NEK1: variants seen among roughly 807,000 people sequenced by gnomAD.
The protein encoded by NEK1 is serine/threonine-protein kinase Nek1.
In NEK1, 137 loss-of-function variants were observed where a neutral mutation model predicts 182.1. That is an observed-to-expected ratio of 0.75 (90% CI 0.65 to 0.87). The LOEUF (loss-of-function observed/expected upper bound fraction) is 0.87. NEK1 is among the 40% of genes least tolerant of loss of function. The pLI, the probability that NEK1 is intolerant of heterozygous loss-of-function variation, is 0.00. For missense variants in NEK1, 1,391 were observed against 1,494.4 expected, an observed-to-expected ratio of 0.93 and a Z score of 1.14; for synonymous variants, 513 against 492.2, an observed-to-expected ratio of 1.04 and a Z score of -0.56.
At chr4:169,555,502 A>C (rs1762034301) in intron 18 of NEK1, 2 of 544,294 alleles carry the variant, frequency 3.7e-6, no homozygotes, top group Non-Finnish European at 6.6e-6. Flanking sequence ...GTCTAAACCC[A>C]CAAACAAGAC....
intron 26 of NEK1, among the ~76,000 whole-genome samples, chr4:169,465,767 C>T (rs918912081): frequency 1.3e-5 from 2 of 151,998 alleles, no homozygotes; most frequent in African/African-American, 2.4e-5. Context: ...CACAGTAATA[C>T]TAATAAATAC....
chr4:169,482,480 T>C (rs904828381), intron 23 of NEK1, among the ~76,000 whole-genome samples: 1 of 151,068 alleles, frequency 6.6e-6, no homozygotes, highest in African/African-American at 2.4e-5. Context: ...TTTCTTTCTT[T>C]CTTTTTTTTT....
At chr4:169,411,943 A>C (rs1733748244) in intron 31 of NEK1, among the ~76,000 whole-genome samples, 1 of 152,086 alleles carries the variant, frequency 6.6e-6, no homozygotes, top group African/African-American at 2.4e-5. Flanking sequence ...GCTCCAGATA[A>C]GGAGGAGAAA....
chr4:169,451,491 A>G (rs1487498823), intron 27 of NEK1, among the ~76,000 whole-genome samples: 1 of 152,144 alleles, frequency 6.6e-6, no homozygotes, highest in African/African-American at 2.4e-5. Context: ...CTCACTCAAA[A>G]CCGCACAACT....
In NEK1 at chr4:169,394,336, G is replaced by T. The variant is rs1226133201; in HGVS notation, c.*174C>A. 1.2e-5 allele frequency: 6 copies of T among 506,220 alleles called. No homozygotes were observed. Among genetic ancestry groups the T allele is most frequent in the Non-Finnish European group, 2.1e-5 (6 of 281,808 alleles). 31.4% of individuals were successfully genotyped at this position (506,220 alleles called of 1,614,324 possible). A position where few individuals can be genotyped will look rare whatever the true frequency, so the allele number is the denominator to read the frequency against. On this transcript the variant is annotated 3_prime_UTR_variant, in exon 36 of 36. Transcript: ENST00000507142. ...AATGAACAAAATAGATAAAATATTA[G>T]AATCTTCACTGAAAAATGGCATGTT...
At chr4:169,492,307 A>T (rs1204041702) in intron 23 of NEK1, among the ~76,000 whole-genome samples, 5 of 152,212 alleles carry the variant, frequency 3.3e-5, no homozygotes. Flanking sequence ...AAGTTTTGAC[A>T]AGGAAACAGA....
Position 169,561,679 on chromosome 4 carries a change from C to A in NEK1, c.1191+8G>T. 1 of 1,565,788 alleles carries A rather than the reference C, an allele frequency of 6.4e-7. No homozygotes were observed. Among genetic ancestry groups the A allele is most frequent in the Non-Finnish European group, 8.7e-7 (1 of 1,153,714 alleles). On this transcript the variant is annotated splice_region_variant and intron_variant, in intron 15 of 35. Transcript: ENST00000507142. ...GAAAAAAGTATATTTAATAGATTATCCTCTTACCCTTTCCTTTTCTTGCCT... is the reference window on the plus strand; with the variant it reads ...GAAAAAAGTATATTTAATAGATTATACTCTTACCCTTTCCTTTTCTTGCCT...
rs1009481219 is a variant in NEK1 at position 169,508,765 on chromosome 4, A to G, written c.1749+4T>C. ...TGGAGGTAGCGAACATGCGGGAAGC[A>G]TACCTCTTCCTCTTTGTTTCTTGGC... is the stretch of plus-strand genomic sequence containing the variant. On this transcript the variant is annotated splice_donor_region_variant and intron_variant, in intron 20 of 35. Coordinates refer to ENST00000507142, the MANE Select transcript of NEK1 (RefSeq NM_001199397.3). The G allele has an allele frequency of 5.0e-5, 78 of 1,568,456 alleles. No homozygotes were observed. Among genetic ancestry groups the G allele is most frequent in the Middle Eastern group, 3.3e-4 (2 of 6,042 alleles).
In NEK1 at chr4:169,401,857, C is replaced by A; in HGVS notation, c.3378G>T (p.Val1126=). 1 of 1,602,204 alleles carries A rather than the reference C, an allele frequency of 6.2e-7. No individual in the cohort carries two copies. Among genetic ancestry groups the A allele is most frequent in the South Asian group, 1.1e-5 (1 of 88,502 alleles). The part of the protein sequence containing the change: ...KEGPSDSEDI[V]FEETDTDLQE... ...GTAAATCTGTGTCAGTTTCTTCAAACACACTGAAATTTAAAAAGTATAACT... is the reference window on the plus strand; with the variant it reads ...GTAAATCTGTGTCAGTTTCTTCAAAAACACTGAAATTTAAAAAGTATAACT... The change falls in exon 33 of 36, where the codon GTG becomes GTT. Residue 1126 remains valine, a synonymous_variant. Coordinates refer to ENST00000507142, the MANE Select transcript of NEK1 (RefSeq NM_001199397.3).
rs548514006 is a variant in NEK1, at chr4:169,566,258, G to A, written c.1021-4062C>T. 3.9e-5 allele frequency among the ~76,000 whole-genome samples: 6 copies of A among 152,174 alleles called. No individual in the cohort carries two copies. The East Asian group carries it at 5.8e-4, about 15-fold the overall frequency. On this transcript the variant is annotated intron_variant, in intron 12 of 35. Transcript: ENST00000507142. ...ATACTCTTGGGTAAGTTACATAAAG[G>A]CCAAGATTGTATTCATCTTCTAATG...
At chr4:169,549,274 T>G (rs1419539571) in intron 18 of NEK1, among the ~76,000 whole-genome samples, 1 of 152,166 alleles carries the variant, frequency 6.6e-6, no homozygotes, top group Non-Finnish European at 1.5e-5. Flanking sequence ...CAGCTCGCCC[T>G]CCTTGGGCTG....
intron 18 of NEK1, among the ~76,000 whole-genome samples, chr4:169,546,757 G>T (rs1760536051): frequency 6.6e-6 from 1 of 152,116 alleles, no homozygotes; most frequent in Non-Finnish European, 1.5e-5. Context: ...TTTGATCTTT[G>T]TTGGTTTAAA....
chr4:169,411,958 G>A (rs1228701430), intron 31 of NEK1, among the ~76,000 whole-genome samples: 3 of 152,092 alleles, frequency 2.0e-5, no homozygotes, highest in African/African-American at 4.8e-5. Flanking sequence ...GAGAAATGGG[G>A]CTCATGTACA....
chr4:169,595,612 A>C (rs541431687), intron 5 of NEK1, among the ~76,000 whole-genome samples: 2 of 152,238 alleles, frequency 1.3e-5, no homozygotes, highest in African/African-American at 4.8e-5. Context: ...GTTATGACAA[A>C]CCTACTACTA....
At chr4:169,515,182 T>C (rs1451285609) in intron 19 of NEK1, among the ~76,000 whole-genome samples, 2 of 152,210 alleles carry the variant, frequency 1.3e-5, no homozygotes, top group African/African-American at 4.8e-5. Context: ...CTGTTCTCTA[T>C]ATTTGTAAAG....
chr4:169,398,528 A>G (rs990789813), intron 35 of NEK1, among the ~76,000 whole-genome samples: 7 of 152,188 alleles, frequency 4.6e-5, no homozygotes, highest in African/African-American at 1.7e-4. Flanking sequence ...GACTCATGTA[A>G]TTAATTAGGT....
intron 23 of NEK1, among the ~76,000 whole-genome samples, chr4:169,481,978 T>C (rs988031453): frequency 1.8e-4 from 28 of 152,362 alleles, no homozygotes; most frequent in African/African-American, 6.3e-4. Flanking sequence ...TATTACCACC[T>C]TTATCAATGA....
At chr4:169,598,404 A>C (rs1769920293) in intron 5 of NEK1, among the ~76,000 whole-genome samples, 1 of 152,186 alleles carries the variant, frequency 6.6e-6, no homozygotes, top group African/African-American at 2.4e-5. Flanking sequence ...ATCACAGATT[A>C]AAGTAGTTAT....
chr4:169,529,192 A>C (rs773446826), intron 19 of NEK1, among the ~76,000 whole-genome samples: 3 of 152,206 alleles, frequency 2.0e-5, no homozygotes, highest in Admixed American at 6.5e-5. Flanking sequence ...TCAATGTTTT[A>C]AGTTGCTACC....
Sources: allele counts gnomAD v4.1 joint callset (sites outside exome capture counted in the v4.1 genomes callset), GRCh38; gene constraint gnomAD v4.1.1; transcripts MANE v1.5; gene names NCBI Gene and HGNC (gene_info 2026-07-23, HGNC 2026-07-21).